ADAMTSL2: variants seen among roughly 807,000 people sequenced by gnomAD.
The protein encoded by ADAMTSL2 is ADAMTS like 2, also known as ADAMTS-like protein 2.
In ADAMTSL2, 55 loss-of-function variants were observed where a neutral mutation model predicts 117.0. The observed-to-expected ratio is 0.47, with a 90% confidence interval of 0.38 to 0.59. ADAMTSL2 has a LOEUF of 0.59. Among genes scored for constraint, ADAMTSL2 ranks in the 20% least tolerant of loss-of-function variants. ADAMTSL2 has a pLI of 0.00. For synonymous variants in ADAMTSL2, 572 were observed against 566.4 expected, an observed-to-expected ratio of 1.01 and a Z score of -0.14; for missense variants, 1,182 against 1,354.5, an observed-to-expected ratio of 0.87 and a Z score of 2.00.
chr9:133,546,192 T>C (rs11497295), intron 8 of ADAMTSL2, among the ~76,000 whole-genome samples: 74,593 of 151,960 alleles, frequency 0.49, 19,098 homozygotes, highest in Non-Finnish European at 0.54. Flanking sequence ...TCAGTTCCCC[T>C]TGAAACCCCA....
At position 133,540,988 on chromosome 9, in the gene ADAMTSL2, G is replaced by A. The variant is rs1460810345; in HGVS notation, c.669G>A (p.Gly223=). The change falls in exon 7 of 19, where the codon GGG becomes GGA. Residue 223 remains glycine, a synonymous_variant. Coordinates refer to ENST00000651351, the MANE Select transcript of ADAMTSL2 (RefSeq NM_014694.4). ...ACGTGACGGGCAACTATCGCAAGGG[G>A]AATGCCCACCTTGGTAAGCCACAGC... is the stretch of plus-strand genomic sequence containing the variant. ...CTHVTGNYRK[G]NAHLGYSLVT... The A allele has an allele frequency of 6.2e-7, 1 of 1,613,242 alleles. No individual in the cohort carries two copies.
intron 11 of ADAMTSL2, among the ~76,000 whole-genome samples, chr9:133,559,351 ATT>A (rs369151881): frequency 5.9e-4 from 54 of 91,308 alleles, no homozygotes; most frequent in African/African-American, 1.5e-3. Context: ...ACCCACCCCC[ATT>A]TTTTTTTTTT....
At chr9:133,533,195 G>C (rs1335984841), upstream of ADAMTSL2, among the ~76,000 whole-genome samples, 1 of 147,602 alleles carries the variant, frequency 6.8e-6, no homozygotes, top group Admixed American at 6.7e-5. Context: ...GTGTGTGTGT[G>C]TGCTGGGTGA....
chr9:133,555,495 A>T, intron 10 of ADAMTSL2, 63 bp from the exon 11 acceptor site: 1 of 1,607,198 alleles, frequency 6.2e-7, no homozygotes, highest in Non-Finnish European at 8.5e-7. Flanking sequence ...TCCCCTCCCC[A>T]GGGCAGCCCT....
Position 133,566,927 on chromosome 9 carries a change from C to A in ADAMTSL2, c.1748-9C>A. ...ATGGCTCACAGACCCACCCCTGTCC[C>A]CAACCCAGGGGTCATGTCTGCGTAC... On this transcript the variant is annotated splice_polypyrimidine_tract_variant and intron_variant, in intron 12 of 18. Coordinates refer to ENST00000651351, the MANE Select transcript of ADAMTSL2 (RefSeq NM_014694.4). 1 of 1,603,826 alleles carries A rather than the reference C, an allele frequency of 6.2e-7. No individual in the cohort carries two copies. The highest frequency in any genetic ancestry group is 8.5e-7 in the Non-Finnish European group (1 of 1,175,864).
At chr9:133,544,305 C>T (rs536069740) in intron 7 of ADAMTSL2, among the ~76,000 whole-genome samples, 165 bp from the exon 8 acceptor site, 19 of 152,260 alleles carry the variant, frequency 1.2e-4, no homozygotes, top group African/African-American at 4.6e-4. Context: ...GTGAGTCAGC[C>T]TCTGCAATGG....
chr9:133,535,421 C>T (rs1588272302), intron 1 of ADAMTSL2, among the ~76,000 whole-genome samples: 1 of 152,116 alleles, frequency 6.6e-6, no homozygotes, highest in East Asian at 1.9e-4. Context: ...TCAGGCTCCC[C>T]ACTCCAGGGT....
chr9:133,569,241 A>G (rs1242503037), intron 15 of ADAMTSL2, among the ~76,000 whole-genome samples, 167 bp from the exon 16 acceptor site: 1 of 152,166 alleles, frequency 6.6e-6, no homozygotes, highest in Non-Finnish European at 1.5e-5. Flanking sequence ...TCAAGCATGC[A>G]TTATTTCTGT....
intron 8 of ADAMTSL2, among the ~76,000 whole-genome samples, chr9:133,545,178 AGCAGCGTGCCATGTCT>A (rs1024841020): frequency 1.2e-4 from 19 of 152,180 alleles, no homozygotes; most frequent in Admixed American, 1.2e-3. Context: ...GTATTGGCCG[AGCAGCGTGCCATGTCT>A]GCACCCCTTG....
Position 133,557,583 on chromosome 9 carries a change from G to A in ADAMTSL2, c.1649+1653G>A, listed in dbSNP as rs1830630988. Among the ~76,000 whole-genome samples, 4 of 152,198 alleles carry A rather than the reference G, an allele frequency of 2.6e-5. No homozygotes were observed. The highest frequency in any genetic ancestry group is 4.4e-5 in the Non-Finnish European group (3 of 68,022). Reference sequence around the variant, plus strand: ...AGGGCAGGAGGGACGGACCCAGACAGTGCCTGCCTGTGGGAACGGCACTAC... The same window carrying A: ...AGGGCAGGAGGGACGGACCCAGACAATGCCTGCCTGTGGGAACGGCACTAC... On this transcript the variant is annotated intron_variant, in intron 11 of 18. Transcript: ENST00000651351. This position sits in a 1 kb window ranked among gnomAD's most constrained non-coding sequence, Gnocchi z 5.2.
chr9:133,537,169 G>A (rs1830071912), intron 2 of ADAMTSL2, among the ~76,000 whole-genome samples: 1 of 152,188 alleles, frequency 6.6e-6, no homozygotes, highest in South Asian at 2.1e-4. Flanking sequence ...AAGCCCCCAG[G>A]CCATCCTGGA....
chr9:133,572,458 G>A (rs1831130176), intron 17 of ADAMTSL2, among the ~76,000 whole-genome samples: 1 of 152,180 alleles, frequency 6.6e-6, no homozygotes, highest in Non-Finnish European at 1.5e-5. Context: ...GGGAGGGAGA[G>A]TGGGAAGGGG....
At chr9:133,537,766 G>T (rs568178384) in intron 3 of ADAMTSL2, among the ~76,000 whole-genome samples, 1 of 152,350 alleles carries the variant, frequency 6.6e-6, no homozygotes, top group East Asian at 1.9e-4. Context: ...AGGGCACCAG[G>T]AAAGCCCTTT....
upstream of ADAMTSL2, among the ~76,000 whole-genome samples, chr9:133,533,163 C>CTGTG (rs71378583): frequency 0.04 from 5,907 of 148,118 alleles, 120 homozygotes; most frequent in Middle Eastern, 0.052. Context: ...GTGTGTGTGC[C>CTGTG]TGTGTGTGTG....
At position 133,540,912 on chromosome 9, in the gene ADAMTSL2, A is replaced by C. The variant is rs1425641189; in HGVS notation, c.593A>C (p.His198Pro). The C allele has an allele frequency of 6.2e-7, 1 of 1,613,344 alleles. No homozygotes were observed. Among genetic ancestry groups the C allele is most frequent in the Non-Finnish European group, 8.5e-7 (1 of 1,180,014 alleles). The change falls in exon 7 of 19, where the codon CAC becomes CCC. Residue 198 changes from histidine (H) to proline (P), a missense_variant. Physicochemically the swap from His to Pro is moderately conservative, Grantham distance 77. Coordinates refer to ENST00000651351, the MANE Select transcript of ADAMTSL2 (RefSeq NM_014694.4). The part of the protein sequence containing the change: ...IGCDGVLFST[H>P]TLDKCGICQG... ...TGTGACGGGGTGCTTTTCTCCACCC[A>C]CACACTGGACAAGTGTGGCATCTGC... is the stretch of plus-strand genomic sequence containing the variant.
Position 133,574,943 on chromosome 9 carries a change from A to T in ADAMTSL2, c.*79A>T, listed in dbSNP as rs1381296228. 8 of 1,132,912 alleles carry T rather than the reference A, an allele frequency of 7.1e-6. No homozygotes were observed. The highest frequency in any genetic ancestry group is 1.1e-5 in the Non-Finnish European group (8 of 750,458). The allele number at this position is 1,132,912 out of a possible 1,614,324, so 70.2% of individuals were successfully genotyped here. A position where few individuals can be genotyped will look rare whatever the true frequency, so the allele number is the denominator to read the frequency against. On this transcript the variant is annotated 3_prime_UTR_variant, in exon 19 of 19. Transcript: ENST00000651351. ...GCTGCAGCTTCTGGGGCCTCCACAG[A>T]CCCCCCTCCTGCGGGGCACGCTGGC...
intron 15 of ADAMTSL2, among the ~76,000 whole-genome samples, chr9:133,569,153 G>T (rs917420345): frequency 2.0e-5 from 3 of 152,062 alleles, no homozygotes; most frequent in Admixed American, 6.5e-5. Flanking sequence ...GAGATGCTCA[G>T]ATGCTAGCTG....
chr9:133,563,004 C>A (rs1199214484), intron 12 of ADAMTSL2, among the ~76,000 whole-genome samples: 2 of 150,926 alleles, frequency 1.3e-5, no homozygotes, highest in African/African-American at 4.9e-5. Context: ...CCGCTGTGGG[C>A]GGCGTGGTGG....
chr9:133,537,646 G>A lies in ADAMTSL2; in HGVS notation c.233+99G>A, dbSNP rs1830084522. The A allele has an allele frequency of 3.2e-6, 4 of 1,241,754 alleles. No individual in the cohort carries two copies. In the East Asian group the frequency reaches 1.2e-4, roughly 37 times the overall value. The allele number at this position is 1,241,754 out of a possible 1,614,324, so 76.9% of individuals were successfully genotyped here. ...CTTCAGCCTGGTGGCTTCTCCCCCT[G>A]GGAGGGCTCTCGGGTTGGGGGCAGC... On this transcript the variant is annotated intron_variant, in intron 3 of 18. Transcript: ENST00000651351.
Sources: allele counts gnomAD v4.1 joint callset (sites outside exome capture counted in the v4.1 genomes callset), GRCh38; gene constraint gnomAD v4.1.1; non-coding constraint Gnocchi (gnomAD v3.1); transcripts MANE v1.5; gene names NCBI Gene and HGNC (gene_info 2026-07-23, HGNC 2026-07-21).